The following ADGRL3 variants were observed in gnomAD, a reference collection of about 807,000 sequenced individuals.
ADGRL3 encodes the protein adhesion G protein-coupled receptor L3, also known as calcium-independent alpha-latrotoxin receptor 3.
Under a neutral mutation model 153.5 loss-of-function variants are expected in ADGRL3, and 62 were observed. That is an observed-to-expected ratio of 0.40 (90% CI 0.33 to 0.50). The LOEUF is 0.50. Among genes scored for constraint, ADGRL3 ranks in the 20% least tolerant of loss-of-function variants. The pLI, the probability that ADGRL3 is intolerant of heterozygous loss-of-function variation, is 0.47. For missense variants in ADGRL3, 1,641 were observed against 1,859.4 expected, an observed-to-expected ratio of 0.88 and a Z score of 2.16; for synonymous variants, 710 against 672.5, an observed-to-expected ratio of 1.06 and a Z score of -0.86.
At chr4:61,529,050 T>A (rs564818677) in intron 4 of ADGRL3, among the ~76,000 whole-genome samples, 1 of 152,218 alleles carries the variant, frequency 6.6e-6, no homozygotes, top group South Asian at 2.1e-4. Flanking sequence ...AGATTTAGAG[T>A]CAATGAATAA....
intron 17 of ADGRL3, among the ~76,000 whole-genome samples, chr4:61,970,679 G>A (rs1483608690): frequency 6.6e-6 from 1 of 152,086 alleles, no homozygotes; most frequent in African/African-American, 2.4e-5. Flanking sequence ...TATTTAGATT[G>A]GTTTTTCAAT....
Position 62,070,248 on chromosome 4 carries a change from T to C in ADGRL3, c.3972T>C (p.His1324=). The part of the protein sequence containing the change: ...CVQIIDRGYN[H]NETALEKKIL... Reference sequence around the variant, plus strand: ...AAATCATAGACCGTGGCTATAACCATAACGAGACCGCCCTAGAGAAAAAGA... The same window carrying C: ...AAATCATAGACCGTGGCTATAACCACAACGAGACCGCCCTAGAGAAAAAGA... The change falls in exon 27 of 27, where the codon CAT becomes CAC. Residue 1324 remains histidine, a synonymous_variant. Coordinates refer to ENST00000683033, the MANE Select transcript of ADGRL3 (RefSeq NM_001387552.1). 1.2e-6 allele frequency: 2 copies of C among 1,612,046 alleles called. No individual in the cohort carries two copies. Among genetic ancestry groups the C allele is most frequent in the Non-Finnish European group, 1.7e-6 (2 of 1,178,936 alleles).
chr4:61,836,206 C>G (rs974253676), intron 9 of ADGRL3, among the ~76,000 whole-genome samples: 2 of 152,092 alleles, frequency 1.3e-5, no homozygotes, highest in East Asian at 3.9e-4. Flanking sequence ...AGATTAATCT[C>G]TTTAAAATTT....
intron 2 of ADGRL3, among the ~76,000 whole-genome samples, chr4:61,407,357 T>A (rs529027626): frequency 4.6e-4 from 70 of 152,262 alleles, no homozygotes; most frequent in Non-Finnish European, 7.6e-4. Context: ...TTTCTCAAAA[T>A]ATATAATGAA....
Position 61,293,527 on chromosome 4 carries a change from G to T in ADGRL3, c.-239-89597G>T, listed in dbSNP as rs567319204. Among the ~76,000 whole-genome samples the T allele has an allele frequency of 2.0e-5, 3 of 152,208 alleles. No individual in the cohort carries two copies. In the East Asian group the frequency reaches 5.8e-4, roughly 29 times the overall value. On this transcript the variant is annotated intron_variant, in intron 1 of 26. Coordinates refer to ENST00000683033, the MANE Select transcript of ADGRL3 (RefSeq NM_001387552.1). ...TGAAGTACTCAGATTTCATACTTAT[G>T]ACTTATTTTAGTTATGATATACACA...
At chr4:61,795,107 A>T (rs2097393382) in intron 8 of ADGRL3, among the ~76,000 whole-genome samples, 1 of 152,232 alleles carries the variant, frequency 6.6e-6, no homozygotes. Flanking sequence ...TCTCTAAAAA[A>T]TGGAAAAATA....
chr4:61,486,183 A>T (rs335291), intron 2 of ADGRL3, among the ~76,000 whole-genome samples: 118,880 of 151,906 alleles, frequency 0.78, 47,668 homozygotes, highest in East Asian at 0.95. Flanking sequence ...TGACCTCATG[A>T]TCTGCCCACC....
At chr4:61,673,096 C>G (rs2095062076) in intron 5 of ADGRL3, among the ~76,000 whole-genome samples, 1 of 151,832 alleles carries the variant, frequency 6.6e-6, no homozygotes, top group African/African-American at 2.4e-5. Flanking sequence ...AAGACAAATA[C>G]TATTTGATCC....
At chr4:61,957,816 T>C (rs58940460) in intron 17 of ADGRL3, among the ~76,000 whole-genome samples, 2,646 of 152,188 alleles carry the variant, frequency 0.017, 73 homozygotes, top group African/African-American at 0.061. Flanking sequence ...GTTGAACCTT[T>C]TAGTGAGTCA....
chr4:61,584,620 T>G (rs1404733093), intron 4 of ADGRL3, among the ~76,000 whole-genome samples: 4 of 152,020 alleles, frequency 2.6e-5, no homozygotes, highest in Non-Finnish European at 5.9e-5. Context: ...CAACATACTA[T>G]AGCTAGATGA....
chr4:61,760,129 T>A (rs1382651690), intron 8 of ADGRL3, among the ~76,000 whole-genome samples: 1 of 152,238 alleles, frequency 6.6e-6, no homozygotes, highest in Non-Finnish European at 1.5e-5. Context: ...TGAGGCAGTC[T>A]GTCTGTTCTC....
intron 8 of ADGRL3, among the ~76,000 whole-genome samples, chr4:61,806,542 C>T (rs1308010345): frequency 1.3e-5 from 2 of 151,796 alleles, no homozygotes; most frequent in Non-Finnish European, 2.9e-5. Flanking sequence ...CTGGAGCATA[C>T]AAAATTATAA....
intron 25 of ADGRL3, among the ~76,000 whole-genome samples, chr4:62,067,727 T>G (rs1304479198): frequency 1.3e-5 from 2 of 152,108 alleles, no homozygotes; most frequent in Non-Finnish European, 2.9e-5. Flanking sequence ...CAGATTTTAT[T>G]TATACTTTTA....
intron 21 of ADGRL3, among the ~76,000 whole-genome samples, chr4:62,027,920 C>T (rs1365894437): frequency 6.6e-6 from 1 of 151,826 alleles, no homozygotes; most frequent in Non-Finnish European, 1.5e-5. Flanking sequence ...ATGTAAACCT[C>T]AGGCAAACTG....
At chr4:61,304,081 A>G (rs1208775000) in intron 1 of ADGRL3, among the ~76,000 whole-genome samples, 1 of 152,216 alleles carries the variant, frequency 6.6e-6, no homozygotes, top group Non-Finnish European at 1.5e-5. Flanking sequence ...CACTCCAGGT[A>G]AATGAGAGAT....
intron 4 of ADGRL3, among the ~76,000 whole-genome samples, chr4:61,521,225 A>C (rs1479858945): frequency 6.6e-6 from 1 of 152,166 alleles, no homozygotes; most frequent in Admixed American, 6.5e-5. Context: ...GCAACCTAAC[A>C]GACAAGTAGT....
intron 25 of ADGRL3, among the ~76,000 whole-genome samples, chr4:62,057,471 A>G: frequency 6.6e-6 from 1 of 152,170 alleles, no homozygotes. Flanking sequence ...CTTTCTTAAA[A>G]TGACTATGAT....
At chr4:61,333,645 A>G (rs983939150) in intron 1 of ADGRL3, among the ~76,000 whole-genome samples, 2 of 151,838 alleles carry the variant, frequency 1.3e-5, no homozygotes, top group Non-Finnish European at 2.9e-5. Context: ...CCAGGCTGGA[A>G]TGCAGGTCAC....
chr4:61,931,161 A>G (rs1012915772), intron 13 of ADGRL3, among the ~76,000 whole-genome samples: 1 of 151,988 alleles, frequency 6.6e-6, no homozygotes, highest in Non-Finnish European at 1.5e-5. Context: ...TCTCTAAAAA[A>G]CTCATTATGA....
Sources: gnomAD v4.1 joint callset for allele counts (sites outside exome capture counted in the v4.1 genomes callset) on GRCh38, gnomAD v4.1.1 for gene constraint, MANE v1.5 for transcripts, NCBI Gene and HGNC (gene_info 2026-07-23, HGNC 2026-07-21) for gene names.